The following SKAP1 variants were observed in gnomAD, a reference collection of about 807,000 sequenced individuals.
The protein encoded by SKAP1 is src kinase associated phosphoprotein 1.
In SKAP1, 44 loss-of-function variants were observed where a neutral mutation model predicts 58.5. That is an observed-to-expected ratio of 0.75 (90% confidence interval 0.59 to 0.97). The LOEUF (loss-of-function observed/expected upper bound fraction) is 0.97. Ranked by LOEUF, SKAP1 falls within the 50% of genes least tolerant of loss-of-function variation. The pLI, the probability that SKAP1 is intolerant of heterozygous loss-of-function variation, is 0.00. For synonymous variants in SKAP1, 127 were observed against 149.7 expected (o/e 0.85, Z 1.11); for missense variants, 390 against 435.2 (o/e 0.90, Z 0.92).
chr17:48,369,982 T>C (rs2067061991), intron 2 of SKAP1, among the ~76,000 whole-genome samples: 1 of 152,222 alleles, frequency 6.6e-6, no homozygotes, highest in Non-Finnish European at 1.5e-5. Flanking sequence ...ATTTATTGAA[T>C]GTCTTCTATG....
At chr17:48,191,481 T>C (rs1238958099) in intron 4 of SKAP1, among the ~76,000 whole-genome samples, 3 of 152,210 alleles carry the variant, frequency 2.0e-5, no homozygotes, top group African/African-American at 4.8e-5. Flanking sequence ...AGAGTTATGG[T>C]TGAAATAACT....
At chr17:48,168,528 G>A (rs2064168942) in intron 10 of SKAP1, among the ~76,000 whole-genome samples, 3 of 152,152 alleles carry the variant, frequency 2.0e-5, no homozygotes, top group South Asian at 2.1e-4. Flanking sequence ...GTGGTGGCAC[G>A]TGCCTGTGAT....
intron 4 of SKAP1, among the ~76,000 whole-genome samples, chr17:48,322,897 A>T (rs2066387731): frequency 6.6e-6 from 1 of 152,152 alleles, no homozygotes; most frequent in African/African-American, 2.4e-5. Flanking sequence ...GGAGTTTGAG[A>T]CCAGCCTGGC....
At chr17:48,269,223 T>C (rs2065595469) in intron 4 of SKAP1, among the ~76,000 whole-genome samples, 1 of 151,946 alleles carries the variant, frequency 6.6e-6, no homozygotes, top group Non-Finnish European at 1.5e-5. Flanking sequence ...AGAAAAGAAC[T>C]GAATGTTGAA....
the SKAP1 span, among the ~76,000 whole-genome samples, chr17:48,438,542 C>G: frequency 6.6e-6 from 1 of 152,046 alleles, no homozygotes. Context: ...GCCTTGGCTT[C>G]CTTGGCACCA....
upstream of SKAP1, among the ~76,000 whole-genome samples, chr17:48,432,319 C>G (rs142067387): frequency 6.6e-6 from 1 of 152,176 alleles, no homozygotes; most frequent in East Asian, 1.9e-4. Flanking sequence ...ATCCCAGCTA[C>G]TCGGGTGGCT....
chr17:48,414,114 A>G (rs2067702887), intron 1 of SKAP1, among the ~76,000 whole-genome samples: 1 of 152,230 alleles, frequency 6.6e-6, no homozygotes, highest in Non-Finnish European at 1.5e-5. Flanking sequence ...TACCTTAACT[A>G]AGAGTTTACA....
chr17:48,324,510 A>G (rs2066407215), intron 4 of SKAP1, among the ~76,000 whole-genome samples: 1 of 152,088 alleles, frequency 6.6e-6, no homozygotes, highest in South Asian at 2.1e-4. Flanking sequence ...ACATATACAT[A>G]AGCTTCAAAA....
At chr17:48,397,360 G>C (rs960839511) in intron 1 of SKAP1, among the ~76,000 whole-genome samples, 2 of 152,098 alleles carry the variant, frequency 1.3e-5, no homozygotes, top group African/African-American at 4.8e-5. Flanking sequence ...TGAGTAGCTG[G>C]GACTACAGGC....
chr17:48,349,930 T>C (rs2066776517), intron 3 of SKAP1, among the ~76,000 whole-genome samples: 2 of 152,230 alleles, frequency 1.3e-5, no homozygotes, highest in Non-Finnish European at 2.9e-5. Context: ...TCTTGGCCAC[T>C]AGAAGTTGGC....
intron 4 of SKAP1, among the ~76,000 whole-genome samples, chr17:48,290,030 TATGAATTTTATTATTAAGGGAC>T (rs1262235059): frequency 6.6e-6 from 1 of 152,160 alleles, no homozygotes; most frequent in Admixed American, 6.5e-5. Context: ...TCAGAATTAG[TATGAATTTTATTATTAAGGGAC>T]AGATGGATTT....
intron 11 of SKAP1, among the ~76,000 whole-genome samples, chr17:48,142,307 C>A (rs959647596): frequency 1.3e-5 from 2 of 152,026 alleles, no homozygotes; most frequent in Non-Finnish European, 2.9e-5. Context: ...ATTAAAAATA[C>A]AAAAATTAGC....
intron 2 of SKAP1, among the ~76,000 whole-genome samples, chr17:48,385,207 T>C (rs955973990): frequency 1.3e-5 from 2 of 151,818 alleles, no homozygotes; most frequent in African/African-American, 4.8e-5. Context: ...AGTTGCTCAA[T>C]AGGAGCAGAA....
Position 48,376,420 on chromosome 17 carries a change from C to A in SKAP1, c.153-12606G>T, listed in dbSNP as rs926474325. On this transcript the variant is annotated intron_variant, in intron 2 of 12. Coordinates refer to ENST00000336915, the MANE Select transcript of SKAP1 (RefSeq NM_003726.4). ...TCTTGTACAGAATCAGGGGCAAGTT[C>A]AAAAATGTGATATTCATTTAAAAAT... is the stretch of plus-strand genomic sequence containing the variant. 2.6e-5 allele frequency among the ~76,000 whole-genome samples: 4 copies of A among 152,156 alleles called. No individual in the cohort carries two copies. The South Asian group carries it at 6.2e-4, about 24-fold the overall frequency.
At chr17:48,347,118 C>T (rs2066733016) in intron 3 of SKAP1, among the ~76,000 whole-genome samples, 1 of 152,076 alleles carries the variant, frequency 6.6e-6, no homozygotes, top group African/African-American at 2.4e-5. Flanking sequence ...CATTCAGAAA[C>T]CGGAAGAAAA....
intron 4 of SKAP1, among the ~76,000 whole-genome samples, chr17:48,286,354 T>C (rs2065829850): frequency 6.6e-6 from 1 of 152,192 alleles, no homozygotes; most frequent in African/African-American, 2.4e-5. Flanking sequence ...AGAGGTATTG[T>C]GCAAGTATAA....
intron 4 of SKAP1, among the ~76,000 whole-genome samples, chr17:48,291,774 T>A (rs2065900398): frequency 7.0e-6 from 1 of 143,436 alleles, no homozygotes; most frequent in Non-Finnish European, 1.6e-5. Flanking sequence ...GTCTGCCTCA[T>A]CATTAAGAAT....
intron 4 of SKAP1, among the ~76,000 whole-genome samples, chr17:48,247,704 A>T (rs2143855476): frequency 6.6e-6 from 1 of 152,130 alleles, no homozygotes; most frequent in African/African-American, 2.4e-5. Context: ...CCCCCAGTAA[A>T]CTCAGCAGGG....
At chr17:48,183,685 A>G (rs901227491) in intron 7 of SKAP1, among the ~76,000 whole-genome samples, 34 of 152,168 alleles carry the variant, frequency 2.2e-4, no homozygotes, top group African/African-American at 8.0e-4. Context: ...TAATAAAAAT[A>G]ACTAGGAACA....
Sources: gnomAD v4.1 joint callset for allele counts (sites outside exome capture counted in the v4.1 genomes callset) on GRCh38, gnomAD v4.1.1 for gene constraint, MANE v1.5 for transcripts, NCBI Gene and HGNC (gene_info 2026-07-23, HGNC 2026-07-21) for gene names.